Variants in ENOX1 observed in about 807,000 individuals in gnomAD.
ENOX1 encodes the protein candidate growth-related and time keeping constitutive hydroquinone (NADH) oxidase.
ENOX1 carries 42 observed loss-of-function variants against 82.5 expected under a neutral mutation model. That is an observed-to-expected ratio of 0.51 (90% CI 0.40 to 0.66). ENOX1 has a LOEUF of 0.66. Ranked by LOEUF, ENOX1 falls within the 30% of genes least tolerant of loss-of-function variation. The pLI, the probability that ENOX1 is intolerant of heterozygous loss-of-function variation, is 0.00. For synonymous variants in ENOX1, 271 were observed against 282.2 expected (o/e 0.96, Z 0.40); for missense variants, 608 against 811.6 (o/e 0.75, Z 3.05).
chr13:43,402,631 G>A (rs2053562357), intron 5 of ENOX1, among the ~76,000 whole-genome samples: 1 of 152,176 alleles, frequency 6.6e-6, no homozygotes. Flanking sequence ...AAGGCAGGCT[G>A]CAGAATAATA....
intron 2 of ENOX1, among the ~76,000 whole-genome samples, chr13:43,523,632 G>C (rs144065386): frequency 6.6e-6 from 1 of 152,212 alleles, no homozygotes; most frequent in East Asian, 1.9e-4. Flanking sequence ...TTCTGACAAA[G>C]GCAGAGTTGC....
chr13:43,216,406 GTA>G (rs2041486002), intron 16 of ENOX1, among the ~76,000 whole-genome samples: 1 of 152,232 alleles, frequency 6.6e-6, no homozygotes, highest in Non-Finnish European at 1.5e-5. Context: ...ATGTAGACAT[GTA>G]TATGTGTGTG....
At chr13:43,645,521 T>C (rs2083857381) in intron 2 of ENOX1, among the ~76,000 whole-genome samples, 2 of 152,196 alleles carry the variant, frequency 1.3e-5, no homozygotes, top group South Asian at 4.1e-4. Context: ...ATGTATACTT[T>C]CATTTACTAC....
At chr13:43,313,490 A>AT (rs544384058) in intron 11 of ENOX1, among the ~76,000 whole-genome samples, 84 of 152,204 alleles carry the variant, frequency 5.5e-4, no homozygotes, top group African/African-American at 2.0e-3. Flanking sequence ...ATCAACATGG[A>AT]TTTTTTCATA....
chr13:43,563,003 C>G (rs758680865), intron 2 of ENOX1, among the ~76,000 whole-genome samples: 2 of 152,100 alleles, frequency 1.3e-5, no homozygotes, highest in African/African-American at 2.4e-5. Context: ...AACAAAGAAA[C>G]ATCAGATTTA....
At chr13:43,567,495 A>C (rs2026062) in intron 2 of ENOX1, among the ~76,000 whole-genome samples, 149,661 of 152,208 alleles carry the variant, frequency 0.98, 73,624 homozygotes, top group East Asian at 1. Context: ...TACCAAGAGG[A>C]ACTTTGTTAA....
chr13:43,711,529 T>G (rs1436630318), intron 1 of ENOX1, among the ~76,000 whole-genome samples: 2 of 152,114 alleles, frequency 1.3e-5, no homozygotes, highest in African/African-American at 4.8e-5. Context: ...TAGTTTATAG[T>G]CCCACCAACA....
intron 5 of ENOX1, among the ~76,000 whole-genome samples, chr13:43,369,031 CT>C (rs11425103): frequency 2.0e-4 from 30 of 150,156 alleles, no homozygotes; most frequent in African/African-American, 5.4e-4. Context: ...ATTGCCCATT[CT>C]TTTTTTTTTA....
chr13:43,500,343 A>G (rs541788331), intron 2 of ENOX1, among the ~76,000 whole-genome samples: 1 of 152,216 alleles, frequency 6.6e-6, no homozygotes, highest in Admixed American at 6.5e-5. Context: ...GAGAAAAAGG[A>G]CTCCTCACAT....
At chr13:43,658,007 G>GT (rs972734783) in intron 2 of ENOX1, among the ~76,000 whole-genome samples, 2 of 152,062 alleles carry the variant, frequency 1.3e-5, no homozygotes, top group Non-Finnish European at 2.9e-5. Flanking sequence ...GAAATGGCTT[G>GT]TTTTTTTAAA....
rs747970083 is a variant in ENOX1 at position 43,630,856 on chromosome 13, T to TACACACACACACAC, written c.-219+36622_-219+36623insGTGTGTGTGTGTGT. ...ACAACCACACACACACATATATATA[T>TACACACACACACAC]ATATACACACACACACACATATATA... On this transcript the variant is annotated intron_variant, in intron 2 of 16. Coordinates refer to ENST00000690772, the MANE Select transcript of ENOX1 (RefSeq NM_001347969.2). 1.8e-3 allele frequency among the ~76,000 whole-genome samples: 23 copies of TACACACACACACAC among 13,110 alleles called. No homozygotes were observed. The East Asian group carries it at 0.12, about 67-fold the overall frequency. 8.6% of individuals were successfully genotyped at this position (13,110 alleles called of 152,430 possible).
chr13:43,296,048 C>A (rs1479924757), intron 12 of ENOX1, among the ~76,000 whole-genome samples: 1 of 152,122 alleles, frequency 6.6e-6, no homozygotes, highest in Non-Finnish European at 1.5e-5. Flanking sequence ...CTCCCATAGG[C>A]ACCATGCTAG....
chr13:43,345,989 CAG>C (rs1225993252), intron 8 of ENOX1, among the ~76,000 whole-genome samples: 1 of 152,124 alleles, frequency 6.6e-6, no homozygotes, highest in Non-Finnish European at 1.5e-5. Flanking sequence ...CATGAATAGA[CAG>C]GGGGAGATGC....
At chr13:43,675,903 T>C (rs893352337) in intron 1 of ENOX1, among the ~76,000 whole-genome samples, 1 of 152,254 alleles carries the variant, frequency 6.6e-6, no homozygotes, top group African/African-American at 2.4e-5. Context: ...ACAGGTGCTA[T>C]TTTAATAACC....
At chr13:43,384,571 G>C (rs2052285319) in intron 5 of ENOX1, among the ~76,000 whole-genome samples, 1 of 152,166 alleles carries the variant, frequency 6.6e-6, no homozygotes, top group Non-Finnish European at 1.5e-5. Flanking sequence ...ACGTGGCTGA[G>C]ACAAACATTT....
chr13:43,565,274 C>G (rs1286694020), intron 2 of ENOX1, among the ~76,000 whole-genome samples: 1 of 152,092 alleles, frequency 6.6e-6, no homozygotes, highest in Non-Finnish European at 1.5e-5. Flanking sequence ...TTGATGTGTT[C>G]ACAGAACAAA....
At chr13:43,535,477 CG>C (rs1566473604) in intron 2 of ENOX1, among the ~76,000 whole-genome samples, 1 of 152,120 alleles carries the variant, frequency 6.6e-6, no homozygotes, top group Admixed American at 6.5e-5. Flanking sequence ...CTCCCCCCAT[CG>C]TTAACTCAAT....
chr13:43,256,064 G>A (rs916129164), intron 14 of ENOX1, among the ~76,000 whole-genome samples: 14 of 152,162 alleles, frequency 9.2e-5, no homozygotes, highest in Non-Finnish European at 1.9e-4. Context: ...TTGGGGAAAG[G>A]ACAGTCTTTT....
intron 5 of ENOX1, among the ~76,000 whole-genome samples, chr13:43,386,951 T>C (rs1468016263): frequency 2.6e-5 from 4 of 152,224 alleles, no homozygotes; most frequent in Non-Finnish European, 5.9e-5. Flanking sequence ...AATGGAATGT[T>C]GAAAAACAAC....
Sources: allele counts gnomAD v4.1 joint callset (sites outside exome capture counted in the v4.1 genomes callset), GRCh38; gene constraint gnomAD v4.1.1; transcripts MANE v1.5; gene names NCBI Gene and HGNC (gene_info 2026-07-23, HGNC 2026-07-21).